The following DPYD variants were observed in gnomAD, a reference collection of about 807,000 sequenced individuals.
DPYD encodes the protein dihydropyrimidine dehydrogenase [NADP(+)].
In DPYD, 109 loss-of-function variants were observed where a neutral mutation model predicts 116.2. The observed-to-expected ratio is 0.94, with a 90% CI of 0.80 to 1.10. The LOEUF is 1.10. DPYD is among the 50% of genes least tolerant of loss of function. The probability of loss-of-function intolerance (pLI) is 0.00; values close to 1 mark genes in which losing one functional copy is unlikely to be tolerated. For synonymous variants in DPYD, 440 were observed against 432.0 expected (o/e 1.02, Z -0.23); for missense variants, 1,302 against 1,254.5 (o/e 1.04, Z -0.57).
At chr1:97,544,395 A>G (rs961903610) in intron 12 of DPYD, among the ~76,000 whole-genome samples, 2 of 152,226 alleles carry the variant, frequency 1.3e-5, no homozygotes, top group African/African-American at 4.8e-5. Flanking sequence ...TTCAACACTT[A>G]GTTTGACAAG....
intron 6 of DPYD, among the ~76,000 whole-genome samples, chr1:97,694,052 G>A (rs1490429237): frequency 6.6e-6 from 1 of 152,212 alleles, no homozygotes; most frequent in South Asian, 2.1e-4. Flanking sequence ...TTTGAATGCA[G>A]ATGCAGGCAC....
At chr1:97,722,504 C>G (rs1037368863) in intron 4 of DPYD, among the ~76,000 whole-genome samples, 6 of 151,498 alleles carry the variant, frequency 4.0e-5, no homozygotes, top group Non-Finnish European at 7.4e-5. Context: ...TATGGAAACT[C>G]TCTGTACTAC....
At position 97,818,616 on chromosome 1, in the gene DPYD, C is replaced by T. The variant is rs1370439077; in HGVS notation, c.233+9498G>A. Among the ~76,000 whole-genome samples, 4 of 152,074 alleles carry T rather than the reference C, an allele frequency of 2.6e-5. No individual in the cohort carries two copies. The South Asian group carries it at 8.3e-4, about 32-fold the overall frequency. On this transcript the variant is annotated intron_variant, in intron 3 of 22. Coordinates refer to ENST00000370192, the MANE Select transcript of DPYD (RefSeq NM_000110.4). ...CTAATATAATTGTTTTCTTCTATTTCCCCAATTAAATTATATTTGGGCCAT... is the reference window on the plus strand; with the variant it reads ...CTAATATAATTGTTTTCTTCTATTTTCCCAATTAAATTATATTTGGGCCAT...
intron 21 of DPYD, among the ~76,000 whole-genome samples, chr1:97,086,353 T>G (rs1570431404): frequency 1.0e-3 from 2 of 1,928 alleles, no homozygotes; most frequent in South Asian, 0.33. Context: ...CCTGGCCAAG[T>G]TTTTTTTTTT....
chr1:97,083,476 T>C (rs1341081490), intron 21 of DPYD, among the ~76,000 whole-genome samples: 1 of 152,154 alleles, frequency 6.6e-6, no homozygotes, highest in African/African-American at 2.4e-5. Context: ...TCATGGAATT[T>C]CAAACTGAGA....
chr1:97,212,336 CTTT>C (rs1660089502), intron 19 of DPYD, among the ~76,000 whole-genome samples: 1 of 152,030 alleles, frequency 6.6e-6, no homozygotes, highest in African/African-American at 2.4e-5. Context: ...TATTTTGTGT[CTTT>C]TTATCTTCAT....
chr1:97,679,237 T>C, intron 7 of DPYD, 55 bp from the exon 8 acceptor site: 3 of 918,028 alleles, frequency 3.3e-6, no homozygotes, highest in Non-Finnish European at 5.0e-6. Context: ...AATTAAAATC[T>C]TAATATTTAA....
chr1:97,633,655 G>C (rs1272392859), intron 8 of DPYD, among the ~76,000 whole-genome samples: 1 of 152,018 alleles, frequency 6.6e-6, no homozygotes, highest in Non-Finnish European at 1.5e-5. Flanking sequence ...ACTAACAAAA[G>C]CTAGGTAAGA....
At chr1:97,913,001 A>C (rs902075774) in intron 1 of DPYD, among the ~76,000 whole-genome samples, 1 of 152,078 alleles carries the variant, frequency 6.6e-6, no homozygotes, top group East Asian at 1.9e-4. Context: ...ACACTGAAGA[A>C]ATTGGCATAA....
chr1:97,152,569 T>TAC (rs540610297), intron 20 of DPYD, among the ~76,000 whole-genome samples: 1 of 151,080 alleles, frequency 6.6e-6, no homozygotes, highest in Non-Finnish European at 1.5e-5. Context: ...CACGTAAAAA[T>TAC]ACACAGATAC....
At chr1:97,555,542 G>A (rs2102109404) in intron 11 of DPYD, among the ~76,000 whole-genome samples, 1 of 152,072 alleles carries the variant, frequency 6.6e-6, no homozygotes, top group Middle Eastern at 3.4e-3. Context: ...CACTCATTGT[G>A]AACACGTCTT....
intron 14 of DPYD, among the ~76,000 whole-genome samples, chr1:97,443,712 C>T (rs1445764566): frequency 2.0e-5 from 3 of 152,204 alleles, no homozygotes; most frequent in Admixed American, 6.5e-5. Context: ...CATTGCTGGC[C>T]TGACAACAGA....
intron 8 of DPYD, among the ~76,000 whole-genome samples, chr1:97,672,562 T>G (rs1336904297): frequency 1.3e-5 from 2 of 152,176 alleles, no homozygotes; most frequent in African/African-American, 4.8e-5. Context: ...TAAAATTAAG[T>G]CAGGTTTATT....
At chr1:97,703,827 AG>A (rs1203964827) in intron 5 of DPYD, among the ~76,000 whole-genome samples, 1 of 152,060 alleles carries the variant, frequency 6.6e-6, no homozygotes, top group African/African-American at 2.4e-5. Flanking sequence ...TATTTGTTAT[AG>A]TTATTTTTAA....
chr1:97,524,473 G>A (rs751175069), intron 12 of DPYD, among the ~76,000 whole-genome samples: 1 of 152,092 alleles, frequency 6.6e-6, no homozygotes, highest in Non-Finnish European at 1.5e-5. Flanking sequence ...TTTCCACAAG[G>A]GGCTTGTGGT....
intron 13 of DPYD, among the ~76,000 whole-genome samples, chr1:97,488,368 T>C (rs555669732): frequency 6.6e-6 from 1 of 152,242 alleles, no homozygotes; most frequent in African/African-American, 2.4e-5. Flanking sequence ...TTGGCTGTGG[T>C]GGTAAATACA....
At chr1:97,264,156 A>C (rs1664065041) in intron 18 of DPYD, among the ~76,000 whole-genome samples, 1 of 142,692 alleles carries the variant, frequency 7.0e-6, no homozygotes, top group South Asian at 2.2e-4. Context: ...TTAATAGCAA[A>C]ATTCTGTTTT....
intron 7 of DPYD, among the ~76,000 whole-genome samples, chr1:97,686,707 A>T (rs1193954711): frequency 6.6e-6 from 1 of 151,406 alleles, no homozygotes; most frequent in African/African-American, 2.4e-5. Flanking sequence ...CTAGAAGAAA[A>T]TCTAGGAAAT....
chr1:97,364,549 A>T (rs899860024), intron 16 of DPYD, among the ~76,000 whole-genome samples: 4 of 152,022 alleles, frequency 2.6e-5, no homozygotes, highest in East Asian at 1.9e-4. Context: ...TTTTTTGGAG[A>T]GTACATATAT....
Sources: gnomAD v4.1 joint callset for allele counts (sites outside exome capture counted in the v4.1 genomes callset) on GRCh38, gnomAD v4.1.1 for gene constraint, MANE v1.5 for transcripts, NCBI Gene and HGNC (gene_info 2026-07-23, HGNC 2026-07-21) for gene names.